Variants in EXO1 observed in about 807,000 individuals in gnomAD.
EXO1 encodes exonuclease 1.
Under a neutral mutation model 84.5 loss-of-function variants are expected in EXO1, and 69 were observed. That is an observed-to-expected ratio of 0.82 (90% CI 0.67 to 1.00). The LOEUF (loss-of-function observed/expected upper bound fraction) is 1.00. Ranked by LOEUF, EXO1 falls within the 50% of genes least tolerant of loss-of-function variation. The probability of loss-of-function intolerance (pLI) is 0.00; values close to 1 mark genes in which losing one functional copy is unlikely to be tolerated. For missense variants in EXO1, 1,045 were observed against 1,000.7 expected (o/e 1.04, Z -0.60); for synonymous variants, 373 against 366.1 (o/e 1.02, Z -0.21).
At chr1:241,871,497 GAC>G (rs1239911928) in intron 11 of EXO1, among the ~76,000 whole-genome samples, 2 of 152,128 alleles carry the variant, frequency 1.3e-5, no homozygotes, top group African/African-American at 4.8e-5. Flanking sequence ...GAATACATTT[GAC>G]ACACAGCAAT....
Position 241,872,166 on chromosome 1 carries a change from A to C in EXO1, c.1402A>C (p.Thr468Pro), listed in dbSNP as rs1662142281. ...TGTGCCTGACCTGGTAAATGGACCT[A>C]CTAACAAAAAGAGTGTAAGCACTCC... ...VFVPDLVNGP[T>P]NKKSVSTPPR... Residue 468 changes from threonine to proline, a missense_variant, in exon 12 of 16, where the codon ACT becomes CCT. Physicochemically the swap from Thr to Pro is conservative, Grantham distance 38. Coordinates refer to ENST00000366548, the MANE Select transcript of EXO1 (RefSeq NM_130398.4). 1 of 1,613,982 alleles carries C rather than the reference A, an allele frequency of 6.2e-7. No homozygotes were observed. Among genetic ancestry groups the C allele is most frequent in the Non-Finnish European group, 8.5e-7 (1 of 1,179,992 alleles).
In EXO1 at chr1:241,879,203, G is replaced by C. The variant is rs200010267; in HGVS notation, c.1969G>C (p.Glu657Gln). ...GTCTGATGTGTCGCAGTTAAAGAGC[G>C]AGGAGTCCAGTGACGATGAGTCTCA... ...NMSDVSQLKS[E>Q]ESSDDESHPL... Residue 657 changes from glutamate to glutamine, a missense_variant, in exon 13 of 16, where the codon GAG becomes CAG. By Grantham distance (29) the Glu-to-Gln change is conservative. Transcript: ENST00000366548. 2.3e-5 allele frequency: 37 copies of C among 1,602,534 alleles called. No individual in the cohort carries two copies. The highest frequency in any genetic ancestry group is 1.6e-4 in the East Asian group (7 of 44,642).
chr1:241,877,752 T>G lies in EXO1; in HGVS notation c.1515-997T>G, dbSNP rs1662478337. Among the ~76,000 whole-genome samples, 3 of 152,250 alleles carry G rather than the reference T, an allele frequency of 2.0e-5. No homozygotes were observed. The South Asian group carries it at 6.2e-4, about 32-fold the overall frequency. On this transcript the variant is annotated intron_variant, in intron 12 of 15. Transcript: ENST00000366548. ...TTTTAAAGCTGCTATACTGAATAAG[T>G]AATACCTCTTTAGTAATATGGAATT... is the stretch of plus-strand genomic sequence containing the variant.
At position 241,858,612 on chromosome 1, in the gene EXO1, A is replaced by G; in HGVS notation, c.650A>G (p.Tyr217Cys). The change falls in exon 8 of 16, where the codon TAC becomes TGC. Residue 217 changes from tyrosine to cysteine, a missense_variant. Coordinates refer to ENST00000366548, the MANE Select transcript of EXO1 (RefSeq NM_130398.4). ...GDVFTEEKFR[Y>C]MCILSGCDYL... is the part of the protein sequence containing the mutation. ...GTATTCACGGAAGAGAAGTTTCGTT[A>G]CATGTGTATTCTTTCAGGTTGTGAC... The G allele has an allele frequency of 1.2e-6, 2 of 1,613,988 alleles. No individual in the cohort carries two copies. The highest frequency in any genetic ancestry group is 8.5e-7 in the Non-Finnish European group (1 of 1,179,878).
Position 241,849,132 on chromosome 1 carries a change from T to A in EXO1, c.-102T>A, listed in dbSNP as rs1660508771. 6.6e-6 allele frequency: 1 copy of A among 152,222 alleles called. No homozygotes were observed. The highest frequency in any genetic ancestry group is 2.4e-5 in the African/African-American group (1 of 41,460). The allele number at this position is 152,222 out of a possible 1,614,324, so 9.4% of individuals were successfully genotyped here. A position where few individuals can be genotyped will look rare whatever the true frequency, so the allele number is the denominator to read the frequency against. ...AGCAGAACTAGTGAATCCCAGTCAC[T>A]GAGTGGAGTTGAGAGTCTAAGAACC... On this transcript the variant is annotated 5_prime_UTR_variant, in exon 3 of 16. Coordinates refer to ENST00000366548, the MANE Select transcript of EXO1 (RefSeq NM_130398.4).
intron 14 of EXO1, among the ~76,000 whole-genome samples, chr1:241,884,442 A>G (rs532382522): frequency 1.3e-5 from 2 of 152,334 alleles, no homozygotes; most frequent in South Asian, 2.1e-4. Context: ...GTAAAAATCA[A>G]CCCTTAGTAG....
chr1:241,857,040 G>T (rs1173587990), intron 6 of EXO1, among the ~76,000 whole-genome samples: 1 of 152,126 alleles, frequency 6.6e-6, no homozygotes, highest in Non-Finnish European at 1.5e-5. Context: ...GCCAGACCCT[G>T]TCTCCAAAAA....
chr1:241,855,888 G>A (rs1473579009), intron 6 of EXO1, among the ~76,000 whole-genome samples: 1 of 152,258 alleles, frequency 6.6e-6, no homozygotes, highest in East Asian at 1.9e-4. Context: ...GGGCCGCCAA[G>A]CCCACGCCCA....
At chr1:241,861,541 G>T (rs767259099) in intron 10 of EXO1, 39 bp downstream of exon 10, 5 of 1,061,842 alleles carry the variant, frequency 4.7e-6, no homozygotes, top group Non-Finnish European at 1.5e-6. Flanking sequence ...ACACGTTTTA[G>T]TTATGTCCCG....
At chr1:241,870,955 A>T (rs1229779551) in intron 11 of EXO1, among the ~76,000 whole-genome samples, 1 of 152,210 alleles carries the variant, frequency 6.6e-6, no homozygotes, top group Admixed American at 6.5e-5. Flanking sequence ...CCCATAACTA[A>T]TATACAGTAG....
Position 241,879,565 on chromosome 1 carries a change from C to T in EXO1, c.2109+222C>T, listed in dbSNP as rs192923358. Among the ~76,000 whole-genome samples the T allele has an allele frequency of 2.6e-5, 4 of 152,246 alleles. No homozygotes were observed. In the East Asian group the frequency reaches 7.7e-4, roughly 29 times the overall value. The stretch of plus-strand genomic sequence containing the variant: ...ACATTTAAATTAACTCTGTATATTT[C>T]CTGAATCACTGTATGTTCGATTGGT... On this transcript the variant is annotated intron_variant, in intron 13 of 15. Transcript: ENST00000366548.
At position 241,879,152 on chromosome 1, in the gene EXO1, C is replaced by T. The variant is rs61736331; in HGVS notation, c.1918C>T (p.Pro640Ser). 9.0e-3 allele frequency: 14,441 copies of T among 1,608,742 alleles called. 238 individuals carry two copies. Among genetic ancestry groups the T allele is most frequent in the South Asian group, 0.056 (5,144 of 91,048 alleles). The stretch of plus-strand genomic sequence containing the variant: ...GCAGTTCCGAAGAAAGAGCGATTCC[C>T]CCACCTCTTTGCCTGAGAATAATAT... ...LQQFRRKSDS[P>S]TSLPENNMSD... is the part of the protein sequence containing the mutation. The change falls in exon 13 of 16, where the codon CCC becomes TCC. Residue 640 changes from proline to serine, a missense_variant. Transcript: ENST00000366548.
At chr1:241,855,390 A>G (rs1452533099) in intron 6 of EXO1, among the ~76,000 whole-genome samples, 1 of 152,178 alleles carries the variant, frequency 6.6e-6, no homozygotes, top group Non-Finnish European at 1.5e-5. Flanking sequence ...AGCTAGACAC[A>G]GGGTGCTGAT....
In EXO1 at chr1:241,878,930, A is replaced by G; in HGVS notation, c.1696A>G (p.Asn566Asp). ...TAATTCAAGTGATGACATTCCGAATAATCATATTCCAGGTGATCATATTCC... is the reference window on the plus strand; with the variant it reads ...TAATTCAAGTGATGACATTCCGAATGATCATATTCCAGGTGATCATATTCC... ...ARNSSDDIPN[N>D]HIPGDHIPDK... The change falls in exon 13 of 16, where the codon AAT becomes GAT. Residue 566 changes from asparagine to aspartate, a missense_variant. Coordinates refer to ENST00000366548, the MANE Select transcript of EXO1 (RefSeq NM_130398.4). 4.3e-6 allele frequency: 7 copies of G among 1,614,202 alleles called. No homozygotes were observed. In the South Asian group the frequency reaches 7.7e-5, roughly 18 times the overall value.
rs927455927 is a variant in EXO1, at chr1:241,861,473, A to C, written c.1012A>C (p.Ile338Leu). The change falls in exon 10 of 16, where the codon ATC becomes CTC. Residue 338 changes from isoleucine to leucine, a missense_variant. Physicochemically the swap from Ile to Leu is conservative, Grantham distance 5. Transcript: ENST00000366548. ...GNKDINTFEQ[I>L]DDYNPDTAMP... ...TAAAGATATAAATACTTTTGAACAG[A>C]TCGATGACTACAATCCAGACACTGC... 3 of 1,590,334 alleles carry C rather than the reference A, an allele frequency of 1.9e-6. No individual in the cohort carries two copies. Among genetic ancestry groups the C allele is most frequent in the Non-Finnish European group, 2.6e-6 (3 of 1,158,384 alleles).
At chr1:241,885,611 C>A in intron 15 of EXO1, 104 bp downstream of exon 15, 1 of 858,548 alleles carries the variant, frequency 1.2e-6, no homozygotes. Context: ...GTTTTTGTTT[C>A]TCTCACTATA....
In EXO1 at chr1:241,878,800, C is replaced by T; in HGVS notation, c.1566C>T (p.Ile522=). The change falls in exon 13 of 16, where the codon ATC becomes ATT. Residue 522 remains isoleucine, a synonymous_variant. Transcript: ENST00000366548. ...ACTGTGTATCAAACAAAGTGAGCAT[C>T]CAGCCTCTGGATGAAACTGCTGTCA... The part of the protein sequence containing the change: ...STDCVSNKVS[I]QPLDETAVTD... 1 of 1,613,914 alleles carries T rather than the reference C, an allele frequency of 6.2e-7. No individual in the cohort carries two copies. The highest frequency in any genetic ancestry group is 8.5e-7 in the Non-Finnish European group (1 of 1,179,942).
chr1:241,879,431 G>A (rs1662612991), intron 13 of EXO1, 88 bp downstream of exon 13: 1 of 743,258 alleles, frequency 1.3e-6, no homozygotes, highest in Non-Finnish European at 2.3e-6. Context: ...TTTCCTACAT[G>A]TGAATGACGA....
chr1:241,856,578 G>C (rs1008212710), intron 6 of EXO1, among the ~76,000 whole-genome samples: 1 of 151,984 alleles, frequency 6.6e-6, no homozygotes, highest in African/African-American at 2.4e-5. Context: ...AGACATTGCT[G>C]GATATGGTCT....
Sources: allele counts gnomAD v4.1 joint callset (sites outside exome capture counted in the v4.1 genomes callset), GRCh38; gene constraint gnomAD v4.1.1; transcripts MANE v1.5; gene names NCBI Gene and HGNC (gene_info 2026-07-23, HGNC 2026-07-21).